The following CNTNAP2 variants were observed in gnomAD, a reference collection of about 807,000 sequenced individuals.
CNTNAP2 encodes the protein contactin-associated protein-like 2.
Under a neutral mutation model 155.2 loss-of-function variants are expected in CNTNAP2, and 98 were observed. That is an observed-to-expected ratio of 0.63 (90% confidence interval 0.54 to 0.75). The LOEUF is 0.75. CNTNAP2 is among the 30% of genes least tolerant of loss of function. The pLI, the probability that CNTNAP2 is intolerant of heterozygous loss-of-function variation, is 0.00. For synonymous variants in CNTNAP2, 651 were observed against 631.2 expected, an observed-to-expected ratio of 1.03 and a Z score of -0.47; for missense variants, 1,727 against 1,688.1, an observed-to-expected ratio of 1.02 and a Z score of -0.40.
intron 2 of CNTNAP2, among the ~76,000 whole-genome samples, chr7:146,800,539 A>C (rs1802855633): frequency 6.6e-6 from 1 of 152,204 alleles, no homozygotes; most frequent in Non-Finnish European, 1.5e-5. Flanking sequence ...GAACTTCTGA[A>C]ATTCCCCAAA....
intron 1 of CNTNAP2, among the ~76,000 whole-genome samples, chr7:146,515,625 C>A (rs141485365): frequency 2.0e-5 from 3 of 152,004 alleles, no homozygotes; most frequent in Non-Finnish European, 4.4e-5. Context: ...CTTAAGAGCA[C>A]GCTAGAATAT....
At chr7:147,282,226 A>T (rs1487305866) in intron 8 of CNTNAP2, among the ~76,000 whole-genome samples, 1 of 151,908 alleles carries the variant, frequency 6.6e-6, no homozygotes. Flanking sequence ...GGACACTCTA[A>T]TTTAGCTATT....
chr7:147,146,662 C>T (rs576106155), intron 8 of CNTNAP2: 1 of 152,352 alleles, frequency 6.6e-6, no homozygotes, highest in South Asian at 2.1e-4. Context: ...AGTTGCACAG[C>T]TCATTTGTGA....
chr7:148,250,222 A>C (rs1181703982), intron 20 of CNTNAP2, among the ~76,000 whole-genome samples: 1 of 152,128 alleles, frequency 6.6e-6, no homozygotes, highest in African/African-American at 2.4e-5. Flanking sequence ...TTTCTCAGTG[A>C]GGCTACCCTG....
chr7:147,036,305 T>C (rs567905029), intron 3 of CNTNAP2, among the ~76,000 whole-genome samples: 1 of 152,186 alleles, frequency 6.6e-6, no homozygotes, highest in Non-Finnish European at 1.5e-5. Flanking sequence ...TGAAATATTG[T>C]TTTAGCTAGA....
At chr7:148,347,544 GT>G (rs1798348902) in intron 21 of CNTNAP2, among the ~76,000 whole-genome samples, 1 of 152,046 alleles carries the variant, frequency 6.6e-6, no homozygotes, top group Admixed American at 6.6e-5. Context: ...TTATTTGATT[GT>G]TTGGCTGTCA....
rs77771025 is a variant in CNTNAP2, at chr7:147,045,636, T to C, written c.550+1582T>C. On this transcript the variant is annotated intron_variant, in intron 4 of 23. Transcript: ENST00000361727. ...GGCCCAAAAAGAGGTCTAACATAAA[T>C]TAGAATCTTTGGTCCTATGTGGTCT... 7.0e-4 allele frequency among the ~76,000 whole-genome samples: 107 copies of C among 152,256 alleles called. 2 individuals are homozygous for C. In the East Asian group the frequency reaches 0.02, roughly 28 times the overall value.
chr7:146,385,362 G>A (rs572580578), intron 1 of CNTNAP2, among the ~76,000 whole-genome samples: 1 of 151,924 alleles, frequency 6.6e-6, no homozygotes, highest in Non-Finnish European at 1.5e-5. Context: ...ATAATCTTGG[G>A]TTTATCTTGG....
At chr7:147,621,681 AGAG>A (rs1584860916) in intron 12 of CNTNAP2, among the ~76,000 whole-genome samples, 2 of 152,180 alleles carry the variant, frequency 1.3e-5, no homozygotes, top group South Asian at 4.1e-4. Flanking sequence ...TTATACCACC[AGAG>A]AAGATCACCT....
At chr7:146,267,630 A>G (rs1435760055) in intron 1 of CNTNAP2, among the ~76,000 whole-genome samples, 1 of 152,172 alleles carries the variant, frequency 6.6e-6, no homozygotes, top group African/African-American at 2.4e-5. Flanking sequence ...ACGTGAGGAC[A>G]CAGGGTGAAA....
intron 1 of CNTNAP2, among the ~76,000 whole-genome samples, chr7:146,386,549 T>G (rs1306950277): frequency 6.6e-6 from 1 of 152,062 alleles, no homozygotes; most frequent in African/African-American, 2.4e-5. Flanking sequence ...CCACCATGCC[T>G]GGCTAATTTT....
At chr7:147,867,969 T>C (rs1169396292) in intron 13 of CNTNAP2, among the ~76,000 whole-genome samples, 1 of 152,188 alleles carries the variant, frequency 6.6e-6, no homozygotes. Context: ...AATGTCATTC[T>C]CTGTCCAGCT....
chr7:146,255,019 A>C (rs1799816477), intron 1 of CNTNAP2, among the ~76,000 whole-genome samples: 1 of 139,244 alleles, frequency 7.2e-6, no homozygotes, highest in Non-Finnish European at 1.6e-5. Context: ...TAGAAAGTTG[A>C]AAAAAAAAAT....
intron 1 of CNTNAP2, among the ~76,000 whole-genome samples, chr7:146,246,779 G>T (rs763674396): frequency 1.3e-5 from 2 of 152,192 alleles, no homozygotes; most frequent in African/African-American, 2.4e-5. Flanking sequence ...ATGGGACTCG[G>T]CTTAGGAGGA....
intron 1 of CNTNAP2, among the ~76,000 whole-genome samples, chr7:146,151,643 T>G (rs1454080161): frequency 5.1e-5 from 1 of 19,458 alleles, no homozygotes; most frequent in African/African-American, 1.2e-4. Context: ...GTGATATATA[T>G]ATATATATAT....
intron 3 of CNTNAP2, among the ~76,000 whole-genome samples, chr7:146,933,659 A>C (rs1017817797): frequency 2.0e-5 from 3 of 148,548 alleles, no homozygotes; most frequent in Non-Finnish European, 3.0e-5. Flanking sequence ...GCAACCTACA[A>C]AATGGGAGAA....
chr7:147,640,155 T>C (rs1309684443), intron 13 of CNTNAP2, among the ~76,000 whole-genome samples: 1 of 151,058 alleles, frequency 6.6e-6, no homozygotes, highest in African/African-American at 2.4e-5. Context: ...TCGTGTACAA[T>C]ATGATATGAT....
chr7:148,329,657 G>GT (rs1175510784), intron 21 of CNTNAP2, among the ~76,000 whole-genome samples: 2 of 152,318 alleles, frequency 1.3e-5, no homozygotes, highest in Non-Finnish European at 1.5e-5. Flanking sequence ...CTCCTGGTAG[G>GT]TTTTTTCTGA....
intron 13 of CNTNAP2, among the ~76,000 whole-genome samples, chr7:147,643,748 A>T (rs1187210910): frequency 1.3e-5 from 2 of 152,204 alleles, no homozygotes; most frequent in East Asian, 3.8e-4. Context: ...GTTATTTTTT[A>T]TTTTAAGAGC....
Sources: gnomAD v4.1 joint callset for allele counts (sites outside exome capture counted in the v4.1 genomes callset) on GRCh38, gnomAD v4.1.1 for gene constraint, MANE v1.5 for transcripts, NCBI Gene and HGNC (gene_info 2026-07-23, HGNC 2026-07-21) for gene names.